LURAP1L: variants seen among roughly 807,000 people sequenced by gnomAD.
The protein encoded by LURAP1L is leucine rich adaptor protein 1 like.
In LURAP1L, 12 loss-of-function variants were observed where a neutral mutation model predicts 13.8. The observed-to-expected ratio is 0.87, with a 90% CI of 0.56 to 1.41. LURAP1L has a LOEUF of 1.41. Among genes scored for constraint, LURAP1L ranks in the 40% most tolerant of loss-of-function variants. The pLI is 0.00. For missense variants in LURAP1L, 375 were observed against 292.9 expected (o/e 1.28, Z -2.04); for synonymous variants, 139 against 119.2 (o/e 1.17, Z -1.08).
intron 1 of LURAP1L, among the ~76,000 whole-genome samples, chr9:12,814,817 G>C (rs1158616382): frequency 2.0e-5 from 3 of 152,190 alleles, no homozygotes; most frequent in Non-Finnish European, 2.9e-5. Context: ...TCTGGGAAAA[G>C]AGTGAACTGT....
intron 1 of LURAP1L, chr9:12,777,576 A>G (rs1265509967): frequency 1.0e-6 from 1 of 976,720 alleles, no homozygotes; most frequent in African/African-American, 1.8e-5. Flanking sequence ...TTGTTGAAAC[A>G]TATTTTCTTT....
intron 1 of LURAP1L, among the ~76,000 whole-genome samples, chr9:12,816,266 G>A (rs77731594): frequency 0.013 from 2,016 of 152,298 alleles, 40 homozygotes; most frequent in African/African-American, 0.046. Flanking sequence ...TGCCTCAGTT[G>A]AATTCAGTCT....
intron 1 of LURAP1L, among the ~76,000 whole-genome samples, chr9:12,809,414 G>A (rs976902221): frequency 2.6e-5 from 4 of 152,058 alleles, no homozygotes; most frequent in African/African-American, 9.7e-5. Flanking sequence ...ATCTACTTAT[G>A]AGCCCATCAA....
At chr9:12,778,849 C>G (rs572876686) in intron 1 of LURAP1L, among the ~76,000 whole-genome samples, 1 of 152,318 alleles carries the variant, frequency 6.6e-6, no homozygotes, top group East Asian at 1.9e-4. Flanking sequence ...ATCTGAGGAA[C>G]TTAAACCAAT....
chr9:12,800,536 A>C (rs996275037), intron 1 of LURAP1L, among the ~76,000 whole-genome samples: 3 of 152,132 alleles, frequency 2.0e-5, no homozygotes, highest in African/African-American at 4.8e-5. Context: ...AACAAAACAA[A>C]AAAAAAACAA....
chr9:12,775,623 G>A lies in LURAP1L; in HGVS notation c.-93G>A. On this transcript the variant is annotated 5_prime_UTR_variant, in exon 1 of 2. Transcript: ENST00000319264. ...GCGGAGGATAGAGACCCTGGCCCCC[G>A]GAGAGGTCTGCTGATTTCGCAGCAG... 2.7e-6 allele frequency: 4 copies of A among 1,482,620 alleles called. No individual in the cohort carries two copies. The highest frequency in any genetic ancestry group is 3.6e-6 in the Non-Finnish European group (4 of 1,119,132). The allele number at this position is 1,482,620 out of a possible 1,614,324, so 91.8% of individuals were successfully genotyped here. A position where few individuals can be genotyped will look rare whatever the true frequency, so the allele number is the denominator to read the frequency against.
chr9:12,790,364 A>C (rs1329047183), intron 1 of LURAP1L, among the ~76,000 whole-genome samples: 2 of 152,150 alleles, frequency 1.3e-5, no homozygotes, highest in Non-Finnish European at 2.9e-5. Flanking sequence ...CTAAGCATTT[A>C]TTTAATTACT....
At chr9:12,785,092 CTG>C (rs1819331178) in intron 1 of LURAP1L, among the ~76,000 whole-genome samples, 1 of 149,180 alleles carries the variant, frequency 6.7e-6, no homozygotes, top group Admixed American at 6.7e-5. Flanking sequence ...CTTGCCAGGC[CTG>C]GTTATCTCCC....
At chr9:12,796,650 T>C (rs1819514928) in intron 1 of LURAP1L, among the ~76,000 whole-genome samples, 2 of 152,200 alleles carry the variant, frequency 1.3e-5, no homozygotes, top group South Asian at 4.1e-4. Flanking sequence ...AATTTTGCAA[T>C]TCTTGATTTA....
In LURAP1L at chr9:12,823,049, T is replaced by G. The variant is rs770123024; in HGVS notation, c.*1289T>G. Among the ~76,000 whole-genome samples the G allele has an allele frequency of 3.9e-5, 6 of 152,342 alleles. No individual in the cohort carries two copies. In the South Asian group the frequency reaches 6.2e-4, roughly 16 times the overall value. On this transcript the variant is annotated 3_prime_UTR_variant, in exon 2 of 2. Transcript: ENST00000319264. ...TATTATTCAATTTCTAATTAAAATA[T>G]ATCAGGGCTTATATTTTGCACTGAT... is the stretch of plus-strand genomic sequence containing the variant.
chr9:12,799,662 C>T lies in LURAP1L; in HGVS notation c.313-21724C>T, dbSNP rs540047851. On this transcript the variant is annotated intron_variant, in intron 1 of 1. Coordinates refer to ENST00000319264, the MANE Select transcript of LURAP1L (RefSeq NM_203403.2). Reference sequence around the variant, plus strand: ...TTGGGAGGCCGAGGTGGATGGATCACGAGGTCAGGAGATCGAGACCACTGT... The same window carrying T: ...TTGGGAGGCCGAGGTGGATGGATCATGAGGTCAGGAGATCGAGACCACTGT... Among the ~76,000 whole-genome samples the T allele has an allele frequency of 3.9e-5, 6 of 152,178 alleles. No individual in the cohort carries two copies. The East Asian group carries it at 9.7e-4, about 25-fold the overall frequency.
chr9:12,809,042 A>G (rs1422525074), intron 1 of LURAP1L, among the ~76,000 whole-genome samples: 1 of 152,148 alleles, frequency 6.6e-6, no homozygotes, highest in African/African-American at 2.4e-5. Context: ...CTAGCATATC[A>G]CATGCTGAGA....
At chr9:12,818,268 C>T (rs1415254401) in intron 1 of LURAP1L, among the ~76,000 whole-genome samples, 2 of 152,080 alleles carry the variant, frequency 1.3e-5, no homozygotes, top group African/African-American at 4.8e-5. Context: ...GATGCAGCCA[C>T]TGTGTAAGTC....
At chr9:12,817,921 G>A (rs965416387) in intron 1 of LURAP1L, among the ~76,000 whole-genome samples, 46 of 152,158 alleles carry the variant, frequency 3.0e-4, no homozygotes, top group African/African-American at 1.1e-3. Flanking sequence ...TGTGCCTGGA[G>A]CTCCTGGTAA....
Position 12,821,827 on chromosome 9 carries a change from T to C in LURAP1L, c.*67T>C. 1 of 1,511,834 alleles carries C rather than the reference T, an allele frequency of 6.6e-7. No individual in the cohort carries two copies. Among genetic ancestry groups the C allele is most frequent in the Non-Finnish European group, 8.8e-7 (1 of 1,131,596 alleles). 93.7% of individuals were successfully genotyped at this position (1,511,834 alleles called of 1,614,324 possible). ...TTTATCCTTCTTCTCCGCTGCTATATTTTTGGTGTGATTTTTATTTTAATA... is the reference window on the plus strand; with the variant it reads ...TTTATCCTTCTTCTCCGCTGCTATACTTTTGGTGTGATTTTTATTTTAATA... On this transcript the variant is annotated 3_prime_UTR_variant, in exon 2 of 2. Transcript: ENST00000319264.
intron 1 of LURAP1L, chr9:12,777,059 T>C (rs936908017): frequency 2.5e-5 from 5 of 201,318 alleles, no homozygotes; most frequent in Non-Finnish European, 4.4e-5. Context: ...TTCATTAAAT[T>C]AACTTCACAG....
chr9:12,795,368 C>T (rs1819498981), intron 1 of LURAP1L, among the ~76,000 whole-genome samples: 1 of 151,762 alleles, frequency 6.6e-6, no homozygotes, highest in Non-Finnish European at 1.5e-5. Flanking sequence ...TGTAAGAGGT[C>T]AGTATTGGAG....
chr9:12,818,079 C>A (rs796372256), intron 1 of LURAP1L, among the ~76,000 whole-genome samples: 2 of 146,962 alleles, frequency 1.4e-5, no homozygotes, highest in East Asian at 2.0e-4. Context: ...TTGCTTGTGT[C>A]GTTTTTTTCC....
At position 12,781,777 on chromosome 9, in the gene LURAP1L, A is replaced by AG. The variant is rs139304997; in HGVS notation, c.312+5751dup. On this transcript the variant is annotated intron_variant, in intron 1 of 1. Transcript: ENST00000319264. ...CCTTTCTCCTGAGTATATACCTAGT[A>AG]GTGGGATTGCTGGATTATATATTAG... Among the ~76,000 whole-genome samples the AG allele has an allele frequency of 5.1e-3, 782 of 152,310 alleles. 6 individuals are homozygous for AG. Among genetic ancestry groups the AG allele is most frequent in the African/African-American group, 0.018 (748 of 41,566 alleles).
Sources: allele counts gnomAD v4.1 joint callset (sites outside exome capture counted in the v4.1 genomes callset), GRCh38; gene constraint gnomAD v4.1.1; transcripts MANE v1.5; gene names NCBI Gene and HGNC (gene_info 2026-07-23, HGNC 2026-07-21).